Variants in YIPF5 observed in about 807,000 individuals in gnomAD.
YIPF5 encodes the protein Yip1 domain family member 5.
In YIPF5, 8 loss-of-function variants were observed where a neutral mutation model predicts 30.4. The observed-to-expected ratio is 0.26, with a 90% CI of 0.15 to 0.47. The LOEUF (loss-of-function observed/expected upper bound fraction) is 0.47. Among genes scored for constraint, YIPF5 ranks in the 20% least tolerant of loss-of-function variants. YIPF5 has a pLI of 0.99. For missense variants in YIPF5, 282 were observed against 301.8 expected (o/e 0.93, Z 0.49); for synonymous variants, 104 against 107.9 (o/e 0.96, Z 0.23).
chr5:144,165,725 A>G, intron 2 of YIPF5, 121 bp from the exon 3 acceptor site: 2 of 990,176 alleles, frequency 2.0e-6, no homozygotes, highest in Non-Finnish European at 2.9e-6. Flanking sequence ...TTCCTCAGGT[A>G]CAAACTTTGC....
chr5:144,163,341 T>G (rs1040594008), intron 4 of YIPF5, among the ~76,000 whole-genome samples: 1 of 152,198 alleles, frequency 6.6e-6, no homozygotes, highest in Non-Finnish European at 1.5e-5. Context: ...ATGAATTAAT[T>G]CATGTAGTAA....
At chr5:144,170,216 C>T (rs995480381) in intron 1 of YIPF5, 3 of 462,392 alleles carry the variant, frequency 6.5e-6, no homozygotes, top group African/African-American at 2.0e-5. Context: ...CCATTAGGGG[C>T]GAGGTCGTGG....
rs542987552 is a variant in YIPF5 at position 144,158,773 on chromosome 5, C to T, written c.*1624G>A. On this transcript the variant is annotated 3_prime_UTR_variant, in exon 6 of 6. Transcript: ENST00000274496. ...TTAATGACAAGTGGGTTTCTCCAGA[C>T]GATTAATGAAGAAAAACATACTTAT... The T allele has an allele frequency of 3.4e-5, 34 of 990,916 alleles. No individual in the cohort carries two copies. Among genetic ancestry groups the T allele is most frequent in the South Asian group, 4.5e-5 (1 of 22,008 alleles). The allele number at this position is 990,916 out of a possible 1,614,324, so 61.4% of individuals were successfully genotyped here. A position where few individuals can be genotyped will look rare whatever the true frequency, so the allele number is the denominator to read the frequency against.
chr5:144,161,115 T>C (rs942736763), intron 5 of YIPF5, among the ~76,000 whole-genome samples: 12 of 152,158 alleles, frequency 7.9e-5, no homozygotes, highest in Non-Finnish European at 2.9e-5. Context: ...AAAGCAGAAA[T>C]AGTGTAAAGC....
At position 144,162,228 on chromosome 5, in the gene YIPF5, A is replaced by G. The variant is rs771224482; in HGVS notation, c.601T>C (p.Phe201Leu). The change falls in exon 5 of 6, where the codon TTT (phenylalanine) becomes CTT (leucine). Residue 201 changes from phenylalanine (F) to leucine (L), a missense_variant. By Grantham distance (22) the Phe-to-Leu change is conservative. Transcript: ENST00000274496. ...AAGAACAGTACTTACTGCAAAGAAA[A>G]TATCACTGCAAAGCTGGAAAGTAGG... ...MILLSSFAVI[F>L]SLQGMVGIIL... The G allele has an allele frequency of 1.2e-6, 2 of 1,613,808 alleles. No homozygotes were observed. The highest frequency in any genetic ancestry group is 1.7e-6 in the Non-Finnish European group (2 of 1,179,834).
At chr5:144,164,351 C>G in intron 3 of YIPF5, 95 bp from the exon 4 acceptor site, 1 of 1,127,808 alleles carries the variant, frequency 8.9e-7, no homozygotes. Flanking sequence ...AATGACATAG[C>G]ATCAAAAAAG....
chr5:144,162,982 A>AT, intron 4 of YIPF5, among the ~76,000 whole-genome samples: 1 of 152,178 alleles, frequency 6.6e-6, no homozygotes. Context: ...AATGGAAGAT[A>AT]TTTTTTTCTT....
rs1452069685 is a variant in YIPF5 at position 144,160,188 on chromosome 5, T to G, written c.*209A>C. ...TTCTTATCTGTATAAACACAAACATTTAAAGCTAGTCACACCGCAGGTAAA... is the reference window on the plus strand; with the variant it reads ...TTCTTATCTGTATAAACACAAACATGTAAAGCTAGTCACACCGCAGGTAAA... On this transcript the variant is annotated 3_prime_UTR_variant, in exon 6 of 6. Coordinates refer to ENST00000274496, the MANE Select transcript of YIPF5 (RefSeq NM_030799.9). 1.5e-4 allele frequency: 198 copies of G among 1,303,690 alleles called. 1 individual carries two copies. Among genetic ancestry groups the G allele is most frequent in the Non-Finnish European group, 1.9e-4 (195 of 1,028,568 alleles). 80.8% of individuals were successfully genotyped at this position (1,303,690 alleles called of 1,614,324 possible).
In YIPF5 at chr5:144,165,448, C is replaced by T. The variant is rs1162952670; in HGVS notation, c.267G>A (p.Glu89=). 3.7e-6 allele frequency: 6 copies of T among 1,613,950 alleles called. No individual in the cohort carries two copies. Among genetic ancestry groups the T allele is most frequent in the Admixed American group, 1.7e-5 (1 of 59,990 alleles). ...AAATCTTACCTTCTAATAAAGGTGG[C>T]TCATCCTCAAAGTTGTTTCCATAGA... The part of the protein sequence containing the change: ...QPFYGNNFED[E]PPLLEELGIN... The change falls in exon 3 of 6, where the codon GAG becomes GAA. Residue 89 remains glutamate, a synonymous_variant. Transcript: ENST00000274496.
rs1029276300 is a variant in YIPF5 at position 144,164,160 on chromosome 5, A to C, written c.380T>G (p.Leu127Trp). 6.2e-7 allele frequency: 1 copy of C among 1,613,714 alleles called. No homozygotes were observed. The highest frequency in any genetic ancestry group is 1.7e-5 in the Admixed American group (1 of 59,966). Residue 127 changes from leucine (L) to tryptophan (W), a missense_variant, in exon 4 of 6, where the codon TTG becomes TGG. Physicochemically the swap from Leu to Trp is moderately conservative, Grantham distance 61. Coordinates refer to ENST00000274496, the MANE Select transcript of YIPF5 (RefSeq NM_030799.9). ...AAGGCAAAAAACCATTGGACCTGCC[A>C]AATCAGTTTCATTCATGATGCTGCC... ...ADGSIMNETD[L>W]AGPMVFCLAF...
At chr5:144,162,528 G>A (rs1299420920) in intron 4 of YIPF5, 129 bp from the exon 5 acceptor site, 19 of 816,036 alleles carry the variant, frequency 2.3e-5, no homozygotes, top group Admixed American at 3.0e-5. Flanking sequence ...TATTCTTTAC[G>A]TAGAGAAGTA....
rs1182046429 is a variant in YIPF5, at chr5:144,158,531, G to C, written c.*1866C>G. The C allele has an allele frequency of 5.8e-6, 7 of 1,212,154 alleles. No homozygotes were observed. Among genetic ancestry groups the C allele is most frequent in the African/African-American group, 3.3e-5 (2 of 60,700 alleles). The allele number at this position is 1,212,154 out of a possible 1,614,324, so 75.1% of individuals were successfully genotyped here. A position where few individuals can be genotyped will look rare whatever the true frequency, so the allele number is the denominator to read the frequency against. The stretch of plus-strand genomic sequence containing the variant: ...CAGCGAGATAATTTTAATTTCCAAA[G>C]CATCTTCTACCGTTTATTAGCAATA... On this transcript the variant is annotated 3_prime_UTR_variant, in exon 6 of 6. Transcript: ENST00000274496.
At chr5:144,161,818 A>G (rs964565260) in intron 5 of YIPF5, among the ~76,000 whole-genome samples, 9 of 152,312 alleles carry the variant, frequency 5.9e-5, no homozygotes, top group African/African-American at 1.9e-4. Flanking sequence ...GTATGTATTT[A>G]TTATTCGTAC....
At chr5:144,160,893 T>C (rs1752019771) in intron 5 of YIPF5, among the ~76,000 whole-genome samples, 1 of 152,160 alleles carries the variant, frequency 6.6e-6, no homozygotes, top group Non-Finnish European at 1.5e-5. Flanking sequence ...TGTCAGAATG[T>C]TCAGCAGCAT....
chr5:144,170,112 TG>T (rs1246817597), intron 1 of YIPF5, 147 bp from the exon 2 acceptor site: 1 of 648,400 alleles, frequency 1.5e-6, no homozygotes, highest in Non-Finnish European at 2.7e-6. Context: ...ACGCAGCATT[TG>T]AACGACGGTA....
chr5:144,160,585 G>A (rs1561512582), intron 5 of YIPF5, 26 bp from the exon 6 acceptor site: 4 of 1,571,542 alleles, frequency 2.5e-6, no homozygotes, highest in African/African-American at 2.7e-5. Flanking sequence ...AAAAAGGGGG[G>A]AGAAGAAAAA....
intron 4 of YIPF5, among the ~76,000 whole-genome samples, chr5:144,163,003 A>T (rs1178702152): frequency 6.6e-6 from 1 of 152,186 alleles, no homozygotes; most frequent in Non-Finnish European, 1.5e-5. Flanking sequence ...TATTTTTCCA[A>T]ATTATTGGCT....
rs1217780603 is a variant in YIPF5 at position 144,164,274 on chromosome 5, T to A, written c.284-18A>T. The A allele has an allele frequency of 6.3e-7, 1 of 1,590,754 alleles. No homozygotes were observed. The highest frequency in any genetic ancestry group is 1.4e-5 in the African/African-American group (1 of 73,998). ...ACCTAACTCTAAAGAGAAAGAAAAT[T>A]TAAAAGTTAATTAGGATTTGTGATG... On this transcript the variant is annotated intron_variant, in intron 3 of 5. Coordinates refer to ENST00000274496, the MANE Select transcript of YIPF5 (RefSeq NM_030799.9).
intron 1 of YIPF5, chr5:144,170,316 C>T: frequency 5.2e-6 from 1 of 192,992 alleles, no homozygotes; most frequent in South Asian, 8.6e-5. Flanking sequence ...GACAAGGCGA[C>T]TGCTTCCTTG....
Sources: gnomAD v4.1 joint callset for allele counts (sites outside exome capture counted in the v4.1 genomes callset) on GRCh38, gnomAD v4.1.1 for gene constraint, MANE v1.5 for transcripts, NCBI Gene and HGNC (gene_info 2026-07-23, HGNC 2026-07-21) for gene names.